Variants in BRWD1 observed in about 807,000 individuals in gnomAD.
BRWD1 encodes the protein bromodomain and WD repeat domain containing 1, also known as bromodomain and WD repeat-containing protein 1.
A neutral mutation model predicts 251.2 loss-of-function variants in BRWD1; 82 were observed. The observed-to-expected ratio is 0.33, with a 90% CI of 0.27 to 0.39. The LOEUF is 0.39. BRWD1 is among the 10% of genes least tolerant of loss of function. BRWD1 has a pLI of 1.00. For missense variants in BRWD1, 2,233 were observed against 2,711.6 expected (o/e 0.82, Z 3.92); for synonymous variants, 918 against 902.8 (o/e 1.02, Z -0.30).
intron 36 of BRWD1, among the ~76,000 whole-genome samples, chr21:39,206,545 T>G (rs918205027): frequency 1.3e-5 from 2 of 152,192 alleles, no homozygotes; most frequent in African/African-American, 4.8e-5. Flanking sequence ...TCTCAACTGT[T>G]TTTGCCTATT....
chr21:39,280,361 T>C, intron 8 of BRWD1, 113 bp from the exon 9 acceptor site: 1 of 756,898 alleles, frequency 1.3e-6, no homozygotes. Context: ...ACACATGAAA[T>C]CCAAAATATA....
rs897603046 is a variant in BRWD1 at position 39,247,901 on chromosome 21, T to G, written c.2350-69A>C. On this transcript the variant is annotated intron_variant, in intron 20 of 40. Coordinates refer to ENST00000342449, the MANE Select transcript of BRWD1 (RefSeq NM_033656.4). Reference sequence around the variant, plus strand: ...AAGGACAATATCAACAAAATGGGCATTCCGTCAAGTTTCCAGAAGGATTTA... The same window carrying G: ...AAGGACAATATCAACAAAATGGGCAGTCCGTCAAGTTTCCAGAAGGATTTA... 16 of 1,426,756 alleles carry G rather than the reference T, an allele frequency of 1.1e-5. No individual in the cohort carries two copies. In the African/African-American group the frequency reaches 2.3e-4, roughly 21 times the overall value. The allele number at this position is 1,426,756 out of a possible 1,614,324, so 88.4% of individuals were successfully genotyped here. A position where few individuals can be genotyped will look rare whatever the true frequency, so the allele number is the denominator to read the frequency against.
rs1456208972 is a variant in BRWD1 at position 39,313,613 on chromosome 21, CCAT to C, written c.-125_-123del. On this transcript the variant is annotated 5_prime_UTR_variant, in exon 1 of 41. The change abolishes an upstream ATG in the 5' untranslated region. Coordinates refer to ENST00000342449, the MANE Select transcript of BRWD1 (RefSeq NM_033656.4). ...CGCGCCGCCGCCGCCGCCGCCGCCG[CCAT>C]ACCGTGCGCGCCGCCTGGACCGACG... 1.3e-6 allele frequency: 1 copy of C among 780,686 alleles called. No homozygotes were observed. The highest frequency in any genetic ancestry group is 1.7e-6 in the Non-Finnish European group (1 of 579,140). 48.4% of individuals were successfully genotyped at this position (780,686 alleles called of 1,614,324 possible).
rs2031617958 is a variant in BRWD1, at chr21:39,192,758, C to CA, written c.*3500dup. The CA allele has an allele frequency of 2.0e-6, 2 of 984,732 alleles. No individual in the cohort carries two copies. The highest frequency in any genetic ancestry group is 2.4e-6 in the Non-Finnish European group (2 of 829,618). The allele number at this position is 984,732 out of a possible 1,614,324, so 61.0% of individuals were successfully genotyped here. A position where few individuals can be genotyped will look rare whatever the true frequency, so the allele number is the denominator to read the frequency against. On this transcript the variant is annotated 3_prime_UTR_variant, in exon 41 of 41. Transcript: ENST00000342449. ...TGATACAATGGAGTGGAAAGGAAAACAAAAAAGATCGTAAGCACCTTTAAC... is the reference window on the plus strand; with the variant it reads ...TGATACAATGGAGTGGAAAGGAAAACAAAAAAAGATCGTAAGCACCTTTAAC...
chr21:39,261,215 ACT>A (rs2034733253), intron 17 of BRWD1, among the ~76,000 whole-genome samples: 1 of 152,104 alleles, frequency 6.6e-6, no homozygotes, highest in African/African-American at 2.4e-5. Context: ...ACAGAGCAAG[ACT>A]CTGTCTCAAA....
intron 5 of BRWD1, chr21:39,297,163 C>T: frequency 1.3e-5 from 13 of 985,364 alleles, no homozygotes; most frequent in Non-Finnish European, 1.6e-5. Context: ...AGCAGCAGAA[C>T]ATAGGTTTGA....
rs1036086529 is a variant in BRWD1, at chr21:39,186,285, C to G, written c.*9974G>C. The stretch of plus-strand genomic sequence containing the variant: ...AAGGAAAAGCCGTGATAGTAACATT[C>G]ATAGCTTTCATAGAAAAATATATAT... On this transcript the variant is annotated 3_prime_UTR_variant, in exon 41 of 41. Coordinates refer to ENST00000342449, the MANE Select transcript of BRWD1 (RefSeq NM_033656.4). 1.8e-4 allele frequency: 27 copies of G among 152,134 alleles called. No individual in the cohort carries two copies. The highest frequency in any genetic ancestry group is 6.5e-4 in the African/African-American group (27 of 41,430). 9.4% of individuals were successfully genotyped at this position (152,134 alleles called of 1,614,324 possible).
chr21:39,307,318 A>G (rs2036318656), intron 4 of BRWD1, among the ~76,000 whole-genome samples: 2 of 152,336 alleles, frequency 1.3e-5, no homozygotes, highest in Non-Finnish European at 2.9e-5. Flanking sequence ...AAACTTGTAA[A>G]TAGATTTCAA....
intron 27 of BRWD1, among the ~76,000 whole-genome samples, chr21:39,227,415 C>G (rs1350919910): frequency 1.3e-5 from 2 of 152,028 alleles, no homozygotes; most frequent in East Asian, 3.9e-4. Flanking sequence ...GTTGCTATTA[C>G]TACCCAGCCT....
At chr21:39,319,787 AATC>A (rs995732005) in intron 1 of BRWD1, among the ~76,000 whole-genome samples, 5 of 152,148 alleles carry the variant, frequency 3.3e-5, no homozygotes, top group African/African-American at 1.2e-4. Flanking sequence ...TCAGGCCCTC[AATC>A]ATCAACAAGC....
At chr21:39,215,398 A>G in intron 31 of BRWD1, 36 bp from the exon 32 acceptor site, 1 of 1,583,376 alleles carries the variant, frequency 6.3e-7, no homozygotes, top group Non-Finnish European at 8.6e-7. Context: ...GGCTTAGAAA[A>G]TGAGAAGATA....
intron 31 of BRWD1, chr21:39,217,149 G>A (rs13047091): frequency 0.011 from 1,614 of 142,216 alleles, 16 homozygotes; most frequent in Non-Finnish European, 0.018. Context: ...AGGATGGAGT[G>A]TAGTGGCGTG....
chr21:39,232,286 T>C lies in BRWD1; in HGVS notation c.2893-2A>G. 6.2e-7 allele frequency: 1 copy of C among 1,606,602 alleles called. No individual in the cohort carries two copies. The highest frequency in any genetic ancestry group is 8.5e-7 in the Non-Finnish European group (1 of 1,177,278). On this transcript the variant is annotated splice_acceptor_variant, in intron 24 of 40. Transcript: ENST00000342449. LOFTEE classifies it high-confidence loss of function. Reference sequence around the variant, plus strand: ...ATGACCCTGTCGAAAATATATTACCTACAAAAGGGAAATATGCATTTAAAA... The same window carrying C: ...ATGACCCTGTCGAAAATATATTACCCACAAAAGGGAAATATGCATTTAAAA...
In BRWD1 at chr21:39,294,023, C is replaced by A; in HGVS notation, c.619G>T (p.Asp207Tyr). 6.2e-7 allele frequency: 1 copy of A among 1,612,080 alleles called. No homozygotes were observed. Among genetic ancestry groups the A allele is most frequent in the South Asian group, 1.1e-5 (1 of 90,738 alleles). Residue 207 changes from aspartate to tyrosine, a missense_variant, in exon 8 of 41, where the codon GAC becomes TAC. Physicochemically the swap from Asp to Tyr is radical, Grantham distance 160. Coordinates refer to ENST00000342449, the MANE Select transcript of BRWD1 (RefSeq NM_033656.4). Reference sequence around the variant, plus strand: ...GTTGACCAAATCTTTACCAAACAGTCATCTGAACCCTAAGAAAAAATATAT... The same window carrying A: ...GTTGACCAAATCTTTACCAAACAGTAATCTGAACCCTAAGAAAAAATATAT... ...TGHRIFTGSD[D>Y]CLVKIWSTHN...
intron 8 of BRWD1, among the ~76,000 whole-genome samples, chr21:39,286,961 G>C (rs1246459487): frequency 1.3e-5 from 2 of 152,078 alleles, no homozygotes; most frequent in Non-Finnish European, 2.9e-5. Flanking sequence ...TGGTCATCAA[G>C]ATTCACCAAT....
intron 21 of BRWD1, among the ~76,000 whole-genome samples, chr21:39,242,616 A>G (rs1208323391): frequency 6.6e-6 from 1 of 152,190 alleles, no homozygotes; most frequent in Non-Finnish European, 1.5e-5. Flanking sequence ...TTGGAAGAGG[A>G]TGACATCTAA....
rs1389458328 is a variant in BRWD1 at position 39,187,232 on chromosome 21, A to C, written c.*9027T>G. On this transcript the variant is annotated 3_prime_UTR_variant, in exon 41 of 41. Coordinates refer to ENST00000342449, the MANE Select transcript of BRWD1 (RefSeq NM_033656.4). Reference sequence around the variant, plus strand: ...CTAATCCAGACATTTTCTGGTCCTGAGATCGTTTCTTTTAGATTACTCATT... The same window carrying C: ...CTAATCCAGACATTTTCTGGTCCTGCGATCGTTTCTTTTAGATTACTCATT... 4 of 1,613,386 alleles carry C rather than the reference A, an allele frequency of 2.5e-6. No homozygotes were observed. Among genetic ancestry groups the C allele is most frequent in the Non-Finnish European group, 3.4e-6 (4 of 1,179,810 alleles).
At chr21:39,288,701 C>A (rs1467306970) in intron 8 of BRWD1, among the ~76,000 whole-genome samples, 1 of 151,996 alleles carries the variant, frequency 6.6e-6, no homozygotes, top group Non-Finnish European at 1.5e-5. Context: ...ATAATGTATT[C>A]TTATAATAAA....
At chr21:39,298,894 T>G (rs1030301372) in intron 4 of BRWD1, among the ~76,000 whole-genome samples, 1 of 152,108 alleles carries the variant, frequency 6.6e-6, no homozygotes, top group East Asian at 1.9e-4. Flanking sequence ...TAACAAAACT[T>G]AATCTCAAGA....
Sources: gnomAD v4.1 joint callset for allele counts (sites outside exome capture counted in the v4.1 genomes callset) on GRCh38, gnomAD v4.1.1 for gene constraint, MANE v1.5 for transcripts, NCBI Gene and HGNC (gene_info 2026-07-23, HGNC 2026-07-21) for gene names.